The following HIGD2B variants were observed in gnomAD, a reference collection of about 807,000 sequenced individuals.
HIGD2B encodes the protein HIG1 hypoxia inducible domain family member 2B, also known as HIG1 domain family member 2B.
For synonymous variants in HIGD2B, 45 were observed against 28.1 expected, an observed-to-expected ratio of 1.60 and a Z score of -1.90; for missense variants, 106 against 67.0, an observed-to-expected ratio of 1.58 and a Z score of -2.03.
chr15:72,681,478 A>G (rs2064749111), intron 1 of HIGD2B, among the ~76,000 whole-genome samples: 1 of 152,170 alleles, frequency 6.6e-6, no homozygotes, highest in Admixed American at 6.5e-5. Flanking sequence ...TAAAACCTTC[A>G]GTGACTCCTT....
chr15:72,684,810 GTC>G (rs1326798804), intron 1 of HIGD2B, among the ~76,000 whole-genome samples: 1 of 151,382 alleles, frequency 6.6e-6, no homozygotes, highest in African/African-American at 2.4e-5. Context: ...TTTAGACGGA[GTC>G]TCCCTCTATC....
At position 72,676,392 on chromosome 15, in the gene HIGD2B, A is replaced by G. The variant is rs778112797; in HGVS notation, c.-13-5T>C. ...GTCGCCATGCCTAGGCCACAGCTGC[A>G]GGAGAAAATCCTTTGTTTTTTTTTT... On this transcript the variant is annotated splice_polypyrimidine_tract_variant and splice_region_variant and intron_variant, in intron 2 of 2. Transcript: ENST00000311755. 2 of 701,814 alleles carry G rather than the reference A, an allele frequency of 2.8e-6. No homozygotes were observed. Among genetic ancestry groups the G allele is most frequent in the South Asian group, 3.1e-5 (2 of 65,400 alleles). 43.5% of individuals were successfully genotyped at this position (701,814 alleles called of 1,614,324 possible). A position where few individuals can be genotyped will look rare whatever the true frequency, so the allele number is the denominator to read the frequency against.
chr15:72,684,635 C>T (rs527924968), intron 1 of HIGD2B, among the ~76,000 whole-genome samples: 2 of 152,156 alleles, frequency 1.3e-5, no homozygotes, highest in South Asian at 4.2e-4. Flanking sequence ...TTACAGGAGC[C>T]GGCCACCACG....
chr15:72,681,779 G>T (rs895105312), intron 1 of HIGD2B, among the ~76,000 whole-genome samples: 1 of 151,878 alleles, frequency 6.6e-6, no homozygotes, highest in Non-Finnish European at 1.5e-5. Flanking sequence ...GCTAATTTTT[G>T]TATTTTTAGT....
chr15:72,685,523 A>C (rs1394954629), intron 1 of HIGD2B, among the ~76,000 whole-genome samples: 1 of 152,256 alleles, frequency 6.6e-6, no homozygotes, highest in Non-Finnish European at 1.5e-5. Context: ...ACCGGGGGCC[A>C]GACAGGTAAT....
chr15:72,676,200 C>T lies in HIGD2B; in HGVS notation c.175G>A (p.Val59Ile), dbSNP rs769059729. 1.8e-4 allele frequency: 138 copies of T among 763,450 alleles called. 7 individuals are homozygous for T. Among genetic ancestry groups the T allele is most frequent in the South Asian group, 1.5e-3 (112 of 73,780 alleles). 47.3% of individuals were successfully genotyped at this position (763,450 alleles called of 1,614,324 possible). A position where few individuals can be genotyped will look rare whatever the true frequency, so the allele number is the denominator to read the frequency against. Residue 59 changes from valine (V) to isoleucine (I), a missense_variant, in exon 3 of 3, where the codon GTC (valine) becomes ATC (isoleucine). Physicochemically the swap from Val to Ile is conservative, Grantham distance 29. Coordinates refer to ENST00000311755, the MANE Select transcript of HIGD2B (RefSeq NM_001350932.3). ...AAGCAGTAGAGGCCGTTGGTGAGGACGGCCGCCGTGCACAGGAAACCTATG... is the reference window on the plus strand; with the variant it reads ...AAGCAGTAGAGGCCGTTGGTGAGGATGGCCGCCGTGCACAGGAAACCTATG... ...VPIGFLCTAA[V>I]LTNGLYCFHQ...
rs1231141461 is a variant in HIGD2B, at chr15:72,680,197, G to C, written c.-192-4C>G. 6.2e-6 allele frequency: 1 copy of C among 160,758 alleles called. No individual in the cohort carries two copies. The highest frequency in any genetic ancestry group is 1.4e-5 in the Non-Finnish European group (1 of 72,460). 10.0% of individuals were successfully genotyped at this position (160,758 alleles called of 1,614,324 possible). On this transcript the variant is annotated splice_polypyrimidine_tract_variant and splice_region_variant and intron_variant, in intron 1 of 2. Coordinates refer to ENST00000311755, the MANE Select transcript of HIGD2B (RefSeq NM_001350932.3). ...ATTTCAGGTTTGACCTCAGTAGCTA[G>C]AGGAAAAGTGGTTAAACAAAATAAA...
chr15:72,680,558 C>CA (rs371611228), intron 1 of HIGD2B, among the ~76,000 whole-genome samples: 26 of 148,898 alleles, frequency 1.7e-4, no homozygotes, highest in African/African-American at 5.4e-4. Flanking sequence ...TAAATGAGGT[C>CA]AAAAAAAAAG....
intron 1 of HIGD2B, among the ~76,000 whole-genome samples, chr15:72,681,053 T>C (rs1015599377): frequency 3.3e-5 from 5 of 152,098 alleles, no homozygotes; most frequent in African/African-American, 1.2e-4. Context: ...GTGACTTAGA[T>C]AGTACTTAGC....
rs796985781 is a variant in HIGD2B at position 72,685,844 on chromosome 15, G to C, written c.-219C>G. On this transcript the variant is annotated 5_prime_UTR_variant, in exon 1 of 3. Transcript: ENST00000311755. ...TAAGGCGAGAAAGAAATTCTCCGCC[G>C]AAATCTCCCGGAAGAAGGACTGAAT... 2.7e-4 allele frequency: 94 copies of C among 344,976 alleles called. No individual in the cohort carries two copies. Among genetic ancestry groups the C allele is most frequent in the African/African-American group, 1.9e-3 (92 of 47,870 alleles). The allele number at this position is 344,976 out of a possible 1,614,324, so 21.4% of individuals were successfully genotyped here. A position where few individuals can be genotyped will look rare whatever the true frequency, so the allele number is the denominator to read the frequency against.
At chr15:72,679,280 G>A (rs900297743) in intron 2 of HIGD2B, among the ~76,000 whole-genome samples, 4 of 150,578 alleles carry the variant, frequency 2.7e-5, no homozygotes, top group African/African-American at 9.8e-5. Flanking sequence ...CAGGAGAATC[G>A]CTTGAACCAA....
chr15:72,681,901 G>T (rs1176968417), intron 1 of HIGD2B, among the ~76,000 whole-genome samples: 2 of 151,852 alleles, frequency 1.3e-5, no homozygotes, highest in Admixed American at 1.3e-4. Flanking sequence ...ATGAGCCACC[G>T]CACTTGGACT....
At position 72,683,250 on chromosome 15, in the gene HIGD2B, T is replaced by C. The variant is rs183454643; in HGVS notation, c.-193+2568A>G. Among the ~76,000 whole-genome samples, 10 of 152,326 alleles carry C rather than the reference T, an allele frequency of 6.6e-5. No individual in the cohort carries two copies. The East Asian group carries it at 1.7e-3, about 26-fold the overall frequency. On this transcript the variant is annotated intron_variant, in intron 1 of 2. Coordinates refer to ENST00000311755, the MANE Select transcript of HIGD2B (RefSeq NM_001350932.3). The stretch of plus-strand genomic sequence containing the variant: ...GGAAAATTTTGTTCTGGATGTTGTA[T>C]ATTCTCTGTAGAGGAGTGTTGGGGA...
intron 2 of HIGD2B, 141 bp from the exon 3 acceptor site, chr15:72,676,528 A>T (rs1462118448): frequency 1.7e-6 from 1 of 589,412 alleles, no homozygotes; most frequent in East Asian, 2.8e-5. Flanking sequence ...CTCCTGCTTC[A>T]GCCTTCCAAG....
In HIGD2B at chr15:72,675,966, A is replaced by G. The variant is rs1407814436; in HGVS notation, c.*88T>C. ...CCCCAACGACACAGGGACCTCTCAAAGGAGAGGAGAGAGTAAGTCCCATGG... is the reference window on the plus strand; with the variant it reads ...CCCCAACGACACAGGGACCTCTCAAGGGAGAGGAGAGAGTAAGTCCCATGG... On this transcript the variant is annotated 3_prime_UTR_variant, in exon 3 of 3. Coordinates refer to ENST00000311755, the MANE Select transcript of HIGD2B (RefSeq NM_001350932.3). 1.6e-6 allele frequency: 1 copy of G among 625,460 alleles called. No individual in the cohort carries two copies. Among genetic ancestry groups the G allele is most frequent in the Non-Finnish European group, 2.9e-6 (1 of 346,588 alleles). 38.7% of individuals were successfully genotyped at this position (625,460 alleles called of 1,614,324 possible). A position where few individuals can be genotyped will look rare whatever the true frequency, so the allele number is the denominator to read the frequency against.
intron 1 of HIGD2B, among the ~76,000 whole-genome samples, chr15:72,685,168 CG>C (rs749756654): frequency 2.6e-5 from 4 of 152,090 alleles, no homozygotes; most frequent in Non-Finnish European, 5.9e-5. Context: ...GATAGATTAC[CG>C]TACTTGTTTC....
chr15:72,682,022 G>T (rs1170256320), intron 1 of HIGD2B, among the ~76,000 whole-genome samples: 1 of 152,130 alleles, frequency 6.6e-6, no homozygotes, highest in South Asian at 2.1e-4. Flanking sequence ...GATTATAGAC[G>T]CGAGTCACTG....
In HIGD2B at chr15:72,686,008, G is replaced by A; in HGVS notation, c.-383C>T. The A allele has an allele frequency of 3.1e-6, 2 of 636,246 alleles. No individual in the cohort carries two copies. Among genetic ancestry groups the A allele is most frequent in the Non-Finnish European group, 5.6e-6 (2 of 357,540 alleles). The allele number at this position is 636,246 out of a possible 1,614,324, so 39.4% of individuals were successfully genotyped here. A position where few individuals can be genotyped will look rare whatever the true frequency, so the allele number is the denominator to read the frequency against. On this transcript the variant is annotated 5_prime_UTR_variant, in exon 1 of 3. Coordinates refer to ENST00000311755, the MANE Select transcript of HIGD2B (RefSeq NM_001350932.3). Reference sequence around the variant, plus strand: ...GGCGAGGGGTGTTAGGGGCTTCTCGGGATAAAGGCAGCGAGTGGCTGCGCA... The same window carrying A: ...GGCGAGGGGTGTTAGGGGCTTCTCGAGATAAAGGCAGCGAGTGGCTGCGCA...
At chr15:72,676,569 C>G (rs2064695226) in intron 2 of HIGD2B, among the ~76,000 whole-genome samples, 182 bp from the exon 3 acceptor site, 1 of 152,024 alleles carries the variant, frequency 6.6e-6, no homozygotes, top group Non-Finnish European at 1.5e-5. Context: ...TGCCACCATG[C>G]CAGGCTAATT....
Sources: gnomAD v4.1 joint callset for allele counts (sites outside exome capture counted in the v4.1 genomes callset) on GRCh38, gnomAD v4.1.1 for gene constraint, MANE v1.5 for transcripts, NCBI Gene and HGNC (gene_info 2026-07-23, HGNC 2026-07-21) for gene names.